FAM120C: variants seen among roughly 807,000 people sequenced by gnomAD.
The protein encoded by FAM120C is family with sequence similarity 120 member C, also known as constitutive coactivator of PPAR-gamma-like protein 2.
A neutral mutation model predicts 71.2 loss-of-function variants in FAM120C; 14 were observed. That is an observed-to-expected ratio of 0.20 (90% confidence interval 0.13 to 0.31). FAM120C has a LOEUF of 0.31. Among genes scored for constraint, FAM120C ranks in the 10% least tolerant of loss-of-function variants. The pLI, the probability that FAM120C is intolerant of heterozygous loss-of-function variation, is 1.00. For synonymous variants in FAM120C, 354 were observed against 353.2 expected, an observed-to-expected ratio of 1.00 and a Z score of -0.03; for missense variants, 500 against 879.0, an observed-to-expected ratio of 0.57 and a Z score of 5.45.
At chrX:54,089,159 C>T (rs935284271) in intron 11 of FAM120C, among the ~76,000 whole-genome samples, 6 of 110,998 alleles carry the variant, frequency 5.4e-5, no homozygotes, top group Non-Finnish European at 9.4e-5. Context: ...CAACCTAAGT[C>T]GCCAATATTA....
rs782659798 is a variant in FAM120C, at chrX:54,111,300, G to GA, written c.2312+5244dup. On this transcript the variant is annotated intron_variant, in intron 10 of 15. Transcript: ENST00000375180. ...TCCTAGCCAAAGCAATCAGGAAAGA[G>GA]AAAAAAAATATAAGACATCCAAATG... Among the ~76,000 whole-genome samples, 33 of 110,099 alleles carry GA rather than the reference G, an allele frequency of 3.0e-4. 1 individual carries two copies. Among genetic ancestry groups the GA allele is most frequent in the Non-Finnish European group, 1.9e-4 (10 of 52,762 alleles).
At chrX:54,163,842 TAA>T (rs1231879334) in intron 1 of FAM120C, among the ~76,000 whole-genome samples, 2 of 109,925 alleles carry the variant, frequency 1.8e-5, no homozygotes, top group African/African-American at 3.3e-5. Flanking sequence ...TTATCAATGT[TAA>T]GTCATTCGTT....
chrX:54,077,246 A>G (rs945129771), intron 15 of FAM120C, among the ~76,000 whole-genome samples: 2 of 111,739 alleles, frequency 1.8e-5, no homozygotes, highest in Non-Finnish European at 3.8e-5. Flanking sequence ...TTTGTCTCTA[A>G]CAACTAGAGT....
chrX:54,178,552 A>G (rs1557136941), intron 1 of FAM120C, among the ~76,000 whole-genome samples: 2 of 112,137 alleles, frequency 1.8e-5, no homozygotes, highest in African/African-American at 3.2e-5. Flanking sequence ...CAGTTACTCA[A>G]CTGTAAAATG....
chrX:54,118,651 T>C (rs144198858), intron 9 of FAM120C, among the ~76,000 whole-genome samples: 1,296 of 106,108 alleles, frequency 0.012, 17 homozygotes, highest in Non-Finnish European at 0.019. Flanking sequence ...TTTTGGTAAG[T>C]ATGTAGTGAT....
intron 6 of FAM120C, among the ~76,000 whole-genome samples, 161 bp from the exon 7 acceptor site, chrX:54,135,272 CCA>C (rs2067088862): frequency 8.9e-6 from 1 of 111,935 alleles, no homozygotes; most frequent in African/African-American, 3.2e-5. Context: ...ACAGAATCCT[CCA>C]CAGACAGGAC....
intron 9 of FAM120C, among the ~76,000 whole-genome samples, chrX:54,126,653 T>C (rs1019899876): frequency 1.2e-4 from 13 of 112,986 alleles, no homozygotes; most frequent in East Asian, 2.8e-4. Context: ...TGAATGAGTA[T>C]TGAATTTTGT....
intron 10 of FAM120C, among the ~76,000 whole-genome samples, chrX:54,093,592 A>G (rs1184740713): frequency 8.9e-5 from 10 of 112,249 alleles, no homozygotes; most frequent in Admixed American, 7.6e-4. Flanking sequence ...AGTCAATGTC[A>G]GGACATTTAT....
chrX:54,182,938 G>A lies in FAM120C; in HGVS notation c.261C>T (p.Pro87=), dbSNP rs1557137718. 8.6e-7 allele frequency: 1 copy of A among 1,160,413 alleles called. No individual in the cohort carries two copies. Among genetic ancestry groups the A allele is most frequent in the Non-Finnish European group, 1.1e-6 (1 of 870,982 alleles). The change falls in exon 1 of 16, where the codon CCC becomes CCT. Residue 87 remains proline, a synonymous_variant. Transcript: ENST00000375180. ...GGAGPTRHHH[P]AHHFHHHGQA... is the part of the protein sequence containing the mutation. ...GGCCATGATGGTGGAAGTGGTGAGC[G>A]GGGTGATGGTGCCGAGTCGGCCCCG...
intron 9 of FAM120C, among the ~76,000 whole-genome samples, chrX:54,117,354 A>AACACTAAAATAAAATAAAATAACAT (rs2066973618): frequency 1.7e-5 from 1 of 60,340 alleles, no homozygotes; most frequent in African/African-American, 6.8e-5. Context: ...TCCTGTCTCT[A>AACACTAAAATAAAATAAAATAACAT]AAAATAAAAT....
chrX:54,078,233 G>A (rs928886906), intron 15 of FAM120C, among the ~76,000 whole-genome samples: 21 of 107,775 alleles, frequency 1.9e-4, no homozygotes, highest in Non-Finnish European at 2.9e-4. Context: ...GTGAGCCACC[G>A]CGCCCGGCCG....
chrX:54,180,868 T>C (rs73210491), intron 1 of FAM120C, among the ~76,000 whole-genome samples: 188 of 111,334 alleles, frequency 1.7e-3, no homozygotes, highest in Non-Finnish European at 2.7e-3. Context: ...ATTCCATCAA[T>C]GTGGTCACTA....
intron 1 of FAM120C, among the ~76,000 whole-genome samples, chrX:54,167,967 CAAAA>C (rs782320617): frequency 2.1e-5 from 1 of 47,656 alleles, no homozygotes; most frequent in Admixed American, 2.5e-4. Context: ...GACTCCGTCT[CAAAA>C]AAAAAAAAAA....
At chrX:54,077,859 C>T (rs1218065349) in intron 15 of FAM120C, among the ~76,000 whole-genome samples, 16 of 107,340 alleles carry the variant, frequency 1.5e-4, no homozygotes, top group African/African-American at 5.1e-4. Context: ...GCCATATCCA[C>T]ACAGCTATTT....
At chrX:54,093,803 AT>A (rs1392381996) in intron 10 of FAM120C, among the ~76,000 whole-genome samples, 9 of 111,517 alleles carry the variant, frequency 8.1e-5, no homozygotes, top group African/African-American at 2.6e-4. Flanking sequence ...TCCACTGGGG[AT>A]TTTCCCCAGA....
intron 10 of FAM120C, among the ~76,000 whole-genome samples, chrX:54,110,231 GCCCATCTCGGCCTC>G (rs1796037311): frequency 9.2e-6 from 1 of 108,166 alleles, no homozygotes; most frequent in Non-Finnish European, 1.9e-5. Flanking sequence ...CTCGTGATCT[GCCCATCTCGGCCTC>G]CCTAAGTGCT....
chrX:54,152,305 T>C (rs2146629188), intron 3 of FAM120C, among the ~76,000 whole-genome samples: 1 of 111,947 alleles, frequency 8.9e-6, no homozygotes, highest in South Asian at 3.7e-4. Flanking sequence ...AGTGGTGCAG[T>C]AGGGATTGTC....
chrX:54,148,224 T>C (rs2067167218), intron 4 of FAM120C, among the ~76,000 whole-genome samples: 1 of 110,646 alleles, frequency 9.0e-6, no homozygotes, highest in Non-Finnish European at 1.9e-5. Context: ...AGAGCACTCA[T>C]ATGCATTATA....
chrX:54,110,297 T>A (rs183693536), intron 10 of FAM120C, among the ~76,000 whole-genome samples: 2 of 109,614 alleles, frequency 1.8e-5, no homozygotes, highest in African/African-American at 6.6e-5. Context: ...CAGAAAAATA[T>A]CTTTATGACT....
Sources: allele counts gnomAD v4.1 joint callset (sites outside exome capture counted in the v4.1 genomes callset), GRCh38; gene constraint gnomAD v4.1.1; transcripts MANE v1.5; gene names NCBI Gene and HGNC (gene_info 2026-07-23, HGNC 2026-07-21).